Variants in TPH2 observed in about 807,000 individuals in gnomAD.
The protein encoded by TPH2 is tryptophan hydroxylase 2.
A neutral mutation model predicts 59.1 loss-of-function variants in TPH2; 27 were observed. That is an observed-to-expected ratio of 0.46 (90% CI 0.34 to 0.63). The LOEUF (loss-of-function observed/expected upper bound fraction) is 0.63, where lower values mean the gene tolerates loss of function less well. TPH2 is among the 30% of genes least tolerant of loss of function. The pLI is 0.01. For missense variants in TPH2, 523 were observed against 588.3 expected (o/e 0.89, Z 1.15); for synonymous variants, 220 against 210.5 (o/e 1.05, Z -0.39).
At chr12:72,029,477 T>G (rs867308827) in intron 9 of TPH2, among the ~76,000 whole-genome samples, 1 of 152,062 alleles carries the variant, frequency 6.6e-6, no homozygotes, top group African/African-American at 2.4e-5. Context: ...AGGAAGCCAA[T>G]TTTTTGCAGA....
chr12:72,026,216 T>C (rs1000405713), intron 9 of TPH2, among the ~76,000 whole-genome samples: 1 of 152,170 alleles, frequency 6.6e-6, no homozygotes, highest in Non-Finnish European at 1.5e-5. Context: ...TTTTTTTTTT[T>C]TAGCATCCAC....
intron 5 of TPH2, among the ~76,000 whole-genome samples, chr12:71,955,018 C>G (rs2139189173): frequency 6.6e-6 from 1 of 152,262 alleles, no homozygotes; most frequent in East Asian, 1.9e-4. Flanking sequence ...CCATGAACCT[C>G]ATGTTCTTCT....
At chr12:72,010,310 G>A (rs1376868521) in intron 8 of TPH2, among the ~76,000 whole-genome samples, 2 of 152,176 alleles carry the variant, frequency 1.3e-5, no homozygotes, top group African/African-American at 4.8e-5. Context: ...TGAGAGATAG[G>A]TGAGCTCAAC....
intron 9 of TPH2, among the ~76,000 whole-genome samples, chr12:72,029,097 G>A (rs926408601): frequency 6.6e-6 from 1 of 152,172 alleles, no homozygotes. Flanking sequence ...ACCTCTGGAG[G>A]CATCCTCTAT....
At chr12:72,027,625 T>C (rs1377666619) in intron 9 of TPH2, among the ~76,000 whole-genome samples, 1 of 152,202 alleles carries the variant, frequency 6.6e-6, no homozygotes, top group Admixed American at 6.5e-5. Context: ...CCTTATAGTA[T>C]TGTCTACTAA....
At chr12:72,021,933 A>G (rs191790190) in intron 8 of TPH2, among the ~76,000 whole-genome samples, 123 of 152,322 alleles carry the variant, frequency 8.1e-4, no homozygotes, top group African/African-American at 2.8e-3. Flanking sequence ...ACTGGCACCA[A>G]TGAATATTTG....
intron 8 of TPH2, among the ~76,000 whole-genome samples, chr12:72,011,691 G>C (rs546271961): frequency 6.6e-6 from 1 of 152,094 alleles, no homozygotes; most frequent in Middle Eastern, 3.2e-3. Flanking sequence ...AGAATCAATG[G>C]GTCTTCAGAG....
chr12:72,023,133 T>G lies in TPH2; in HGVS notation c.1164+639T>G, dbSNP rs1047816337. Reference sequence around the variant, plus strand: ...TGAGACCTGGAATATTCTGATAATTTAAATATTCTGGTCTTTTAAGAATTG... The same window carrying G: ...TGAGACCTGGAATATTCTGATAATTGAAATATTCTGGTCTTTTAAGAATTG... On this transcript the variant is annotated intron_variant, in intron 9 of 10. Coordinates refer to ENST00000333850, the MANE Select transcript of TPH2 (RefSeq NM_173353.4). Among the ~76,000 whole-genome samples the G allele has an allele frequency of 3.3e-5, 5 of 152,302 alleles. No homozygotes were observed. The South Asian group carries it at 1.0e-3, about 32-fold the overall frequency.
intron 5 of TPH2, among the ~76,000 whole-genome samples, chr12:71,956,213 T>C (rs928777598): frequency 4.6e-5 from 7 of 152,182 alleles, no homozygotes; most frequent in Admixed American, 2.6e-4. Context: ...CAAGGCAGAA[T>C]CTATAATGCC....
At chr12:72,025,381 A>G (rs543666016) in intron 9 of TPH2, among the ~76,000 whole-genome samples, 73 of 149,354 alleles carry the variant, frequency 4.9e-4, no homozygotes, top group Non-Finnish European at 8.5e-4. Flanking sequence ...CTTCTTAAAC[A>G]GAACACATTC....
chr12:72,015,568 G>C (rs61622462), intron 8 of TPH2, among the ~76,000 whole-genome samples: 23 of 151,942 alleles, frequency 1.5e-4, no homozygotes, highest in Non-Finnish European at 2.8e-4. Flanking sequence ...ATCCACCCGC[G>C]TCGGTCTCCC....
intron 5 of TPH2, chr12:71,962,375 T>C (rs1871710534): frequency 1.0e-6 from 1 of 985,502 alleles, no homozygotes; most frequent in South Asian, 4.7e-5. Context: ...CGGACTTTTC[T>C]GTCCCTTTGG....
At chr12:71,988,548 G>T (rs1314177702) in intron 7 of TPH2, among the ~76,000 whole-genome samples, 1 of 152,156 alleles carries the variant, frequency 6.6e-6, no homozygotes, top group East Asian at 1.9e-4. Flanking sequence ...ACCAGATCTC[G>T]GGAGAACTCA....
At chr12:72,019,140 A>T (rs1307274597) in intron 8 of TPH2, among the ~76,000 whole-genome samples, 1 of 152,138 alleles carries the variant, frequency 6.6e-6, no homozygotes, top group Non-Finnish European at 1.5e-5. Context: ...TACATTATTT[A>T]TCTTGGTTCT....
chr12:71,945,348 C>G (rs2139179878), intron 4 of TPH2, among the ~76,000 whole-genome samples: 1 of 152,142 alleles, frequency 6.6e-6, no homozygotes, highest in Non-Finnish European at 1.5e-5. Flanking sequence ...CACAAGAGAC[C>G]TGGAACTTCT....
intron 5 of TPH2, among the ~76,000 whole-genome samples, chr12:71,959,636 G>T (rs1871621517): frequency 6.6e-6 from 1 of 152,054 alleles, no homozygotes; most frequent in African/African-American, 2.4e-5. Context: ...GATCCTGCTT[G>T]GTTTCAGAAT....
At chr12:72,024,302 C>T (rs1385511716) in intron 9 of TPH2, among the ~76,000 whole-genome samples, 1 of 152,210 alleles carries the variant, frequency 6.6e-6, no homozygotes, top group Admixed American at 6.5e-5. Context: ...ACCAGTCTGT[C>T]AGTGGAGAGC....
chr12:72,023,360 T>A (rs1217725241), intron 9 of TPH2, among the ~76,000 whole-genome samples: 1 of 152,226 alleles, frequency 6.6e-6, no homozygotes, highest in Non-Finnish European at 1.5e-5. Context: ...TTATTGGTAC[T>A]TTTTGGCCAT....
intron 7 of TPH2, among the ~76,000 whole-genome samples, chr12:71,979,582 G>T (rs544291888): frequency 6.6e-6 from 1 of 152,034 alleles, no homozygotes; most frequent in Non-Finnish European, 1.5e-5. Flanking sequence ...AGTCCTGCCC[G>T]CCACCTCCAG....
Sources: allele counts gnomAD v4.1 joint callset (sites outside exome capture counted in the v4.1 genomes callset), GRCh38; gene constraint gnomAD v4.1.1; transcripts MANE v1.5; gene names NCBI Gene and HGNC (gene_info 2026-07-23, HGNC 2026-07-21).